MPRIP: variants seen among roughly 807,000 people sequenced by gnomAD.
The protein encoded by MPRIP is myosin phosphatase Rho interacting protein.
Under a neutral mutation model 234.9 loss-of-function variants are expected in MPRIP, and 59 were observed. That is an observed-to-expected ratio of 0.25 (90% CI 0.20 to 0.31). MPRIP has a LOEUF of 0.31. Among genes scored for constraint, MPRIP ranks in the 10% least tolerant of loss-of-function variants. The pLI is 1.00. For synonymous variants in MPRIP, 1,144 were observed against 1,263.9 expected (o/e 0.91, Z 2.01); for missense variants, 2,436 against 3,071.0 (o/e 0.79, Z 4.89).
At chr17:17,091,611 G>A (rs2089719865) in intron 3 of MPRIP, among the ~76,000 whole-genome samples, 1 of 152,224 alleles carries the variant, frequency 6.6e-6, no homozygotes, top group Non-Finnish European at 1.5e-5. Flanking sequence ...TGGCTGGACA[G>A]CCGACCCTTT....
At chr17:17,047,353 G>A (rs1314044005) in intron 1 of MPRIP, among the ~76,000 whole-genome samples, 1 of 151,774 alleles carries the variant, frequency 6.6e-6, no homozygotes, top group African/African-American at 2.4e-5. Context: ...TTTTTGTGTG[G>A]TTATTTTTCT....
At position 17,164,763 on chromosome 17, in the gene MPRIP, G is replaced by A. The variant is rs1421226152; in HGVS notation, c.3172G>A (p.Ala1058Thr). 1 of 1,304,202 alleles carries A rather than the reference G, an allele frequency of 7.7e-7. No homozygotes were observed. Among genetic ancestry groups the A allele is most frequent in the Non-Finnish European group, 1.0e-6 (1 of 988,904 alleles). The allele number at this position is 1,304,202 out of a possible 1,614,324, so 80.8% of individuals were successfully genotyped here. ...CTATGAGGACCAGCTGCAGGGTCAGGCACAGCAGGTGGAGACCCTGCAGAA... is the reference window on the plus strand; with the variant it reads ...CTATGAGGACCAGCTGCAGGGTCAGACACAGCAGGTGGAGACCCTGCAGAA... ...SAYEDQLQGQAQQVETLQKEK... is the reference protein window; with the variant it reads ...SAYEDQLQGQTQQVETLQKEK... Residue 1058 changes from alanine to threonine, a missense_variant, in exon 16 of 24, where the codon GCA (alanine) becomes ACA (threonine). This residue lies in a region of MPRIP where 1,998 missense variants were observed against 2,520.3 expected (regional missense o/e 0.79). Coordinates refer to ENST00000651222, the MANE Select transcript of MPRIP (RefSeq NM_001364716.4).
chr17:17,180,590 GCTCTCTC>G, intron 23 of MPRIP: 1 of 1,611,028 alleles, frequency 6.2e-7, no homozygotes, highest in Non-Finnish European at 8.5e-7. Context: ...TCTCATGTCT[GCTCTCTC>G]CTCTGACAGT....
chr17:17,184,123 T>C lies in MPRIP; in HGVS notation c.7207-700T>C, dbSNP rs184531289. Among the ~76,000 whole-genome samples the C allele has an allele frequency of 9.2e-5, 14 of 152,344 alleles. No individual in the cohort carries two copies. The East Asian group carries it at 1.7e-3, about 19-fold the overall frequency. ...TTGAGGAAAGTCTGTAAGAATGAGA[T>C]GGGAAATACTCTGTCCCCTAGTTAG... On this transcript the variant is annotated intron_variant, in intron 23 of 23. Coordinates refer to ENST00000651222, the MANE Select transcript of MPRIP (RefSeq NM_001364716.4).
Position 17,189,083 on chromosome 17 carries a change from T to A in MPRIP, c.*4189T>A, listed in dbSNP as rs2046533618. 1 of 152,058 alleles carries A rather than the reference T, an allele frequency of 6.6e-6. No homozygotes were observed. The highest frequency in any genetic ancestry group is 1.5e-5 in the Non-Finnish European group (1 of 68,034). The allele number at this position is 152,058 out of a possible 1,614,324, so 9.4% of individuals were successfully genotyped here. A position where few individuals can be genotyped will look rare whatever the true frequency, so the allele number is the denominator to read the frequency against. On this transcript the variant is annotated 3_prime_UTR_variant, in exon 24 of 24. Coordinates refer to ENST00000651222, the MANE Select transcript of MPRIP (RefSeq NM_001364716.4). ...AATGTGACACATCAACATTAACTTT[T>A]CCTGAAAAGAAGAGTTTGCCTAACA...
intron 3 of MPRIP, among the ~76,000 whole-genome samples, chr17:17,112,140 A>G (rs763409081): frequency 3.3e-5 from 5 of 152,078 alleles, no homozygotes; most frequent in Admixed American, 6.5e-5. Context: ...GCAGTGATAC[A>G]CCTCATACTT....
At chr17:17,145,002 A>G (rs1316588566) in intron 9 of MPRIP, among the ~76,000 whole-genome samples, 1 of 152,192 alleles carries the variant, frequency 6.6e-6, no homozygotes, top group Non-Finnish European at 1.5e-5. Context: ...AGGGTGTCCT[A>G]ATTTCACAGT....
rs112338735 is a variant in MPRIP at position 17,189,930 on chromosome 17, G to A, written c.*5036G>A. 6 of 152,234 alleles carry A rather than the reference G, an allele frequency of 3.9e-5. No individual in the cohort carries two copies. The highest frequency in any genetic ancestry group is 1.2e-4 in the African/African-American group (5 of 41,448). 9.4% of individuals were successfully genotyped at this position (152,234 alleles called of 1,614,324 possible). On this transcript the variant is annotated 3_prime_UTR_variant, in exon 24 of 24. Transcript: ENST00000651222. Reference sequence around the variant, plus strand: ...CCCACTTTCTAAAAGGACTTGGGAAGAAAGCTGCTGGGAACTTGCTTATTA... The same window carrying A: ...CCCACTTTCTAAAAGGACTTGGGAAAAAAGCTGCTGGGAACTTGCTTATTA...
At chr17:17,123,956 G>A (rs868269604) in intron 3 of MPRIP, among the ~76,000 whole-genome samples, 1 of 152,192 alleles carries the variant, frequency 6.6e-6, no homozygotes, top group Non-Finnish European at 1.5e-5. Context: ...AAAAGGGAGT[G>A]TAACTGTGAA....
At chr17:17,093,681 C>T (rs2089773299) in intron 3 of MPRIP, among the ~76,000 whole-genome samples, 1 of 152,158 alleles carries the variant, frequency 6.6e-6, no homozygotes, top group Admixed American at 6.5e-5. Context: ...AGATATGTAA[C>T]CACAAAGCTT....
intron 3 of MPRIP, among the ~76,000 whole-genome samples, chr17:17,120,579 AG>A (rs1367053344): frequency 6.6e-6 from 1 of 152,158 alleles, no homozygotes; most frequent in Non-Finnish European, 1.5e-5. Flanking sequence ...TAGCTGGGGT[AG>A]GGTGGAGCCC....
At position 17,123,767 on chromosome 17, in the gene MPRIP, G is replaced by C. The variant is rs577248737; in HGVS notation, c.268-2935G>C. 1.0e-4 allele frequency among the ~76,000 whole-genome samples: 15 copies of C among 150,108 alleles called. No homozygotes were observed. In the East Asian group the frequency reaches 3.0e-3, roughly 30 times the overall value. On this transcript the variant is annotated intron_variant, in intron 3 of 23. Transcript: ENST00000651222. ...GTTAATACCAGGATTAAATAAAAATGAGATCATCTGATTAAGAGCAGGAAG... is the reference window on the plus strand; with the variant it reads ...GTTAATACCAGGATTAAATAAAAATCAGATCATCTGATTAAGAGCAGGAAG...
intron 3 of MPRIP, among the ~76,000 whole-genome samples, chr17:17,087,235 G>T (rs1004115174): frequency 6.6e-6 from 1 of 152,176 alleles, no homozygotes; most frequent in Non-Finnish European, 1.5e-5. Flanking sequence ...GCTAGGGGGA[G>T]GGGGAGGGAG....
At chr17:17,146,226 G>T in intron 10 of MPRIP, 134 bp downstream of exon 10, 1 of 775,740 alleles carries the variant, frequency 1.3e-6, no homozygotes, top group South Asian at 1.6e-5. Context: ...TCATGACCAG[G>T]GCTGTGGCTG....
chr17:17,065,407 G>A (rs550260373), intron 1 of MPRIP, among the ~76,000 whole-genome samples: 297 of 142,378 alleles, frequency 2.1e-3, no homozygotes, highest in Non-Finnish European at 2.9e-3. Context: ...TTTTGCCTGT[G>A]GACGAAGGGT....
intron 13 of MPRIP, among the ~76,000 whole-genome samples, chr17:17,155,852 G>T (rs1201908169): frequency 2.6e-5 from 4 of 152,220 alleles, no homozygotes; most frequent in Admixed American, 6.5e-5. Context: ...CCCTCCAGGG[G>T]CCACATCCTG....
At chr17:17,077,730 C>T (rs889438552) in intron 2 of MPRIP, 50 of 407,182 alleles carry the variant, frequency 1.2e-4, no homozygotes, top group African/African-American at 8.2e-4. Flanking sequence ...GTTGTTTCTG[C>T]TCCTGAGGAG....
intron 1 of MPRIP, among the ~76,000 whole-genome samples, chr17:17,054,705 G>A (rs1308464582): frequency 2.6e-5 from 4 of 151,518 alleles, no homozygotes; most frequent in African/African-American, 7.3e-5. Context: ...AATCAATGTT[G>A]AATGAAATGG....
chr17:17,127,937 TCTCCCCTAGAGTC>T (rs1338174287), intron 4 of MPRIP, among the ~76,000 whole-genome samples: 2 of 152,010 alleles, frequency 1.3e-5, no homozygotes, highest in African/African-American at 4.8e-5. Context: ...GGGGGTGTGC[TCTCCCCTAGAGTC>T]CTCCCCTGGA....
Sources: allele counts gnomAD v4.1 joint callset (sites outside exome capture counted in the v4.1 genomes callset), GRCh38; gene constraint gnomAD v4.1.1; regional missense constraint gnomAD v4.1.1; transcripts MANE v1.5; gene names NCBI Gene and HGNC (gene_info 2026-07-23, HGNC 2026-07-21).